The following GAB4 variants were observed in gnomAD, a reference collection of about 807,000 sequenced individuals.
GAB4 encodes the protein GRB2-associated-binding protein 4.
In GAB4, 26 loss-of-function variants were observed where a neutral mutation model predicts 51.3. The ratio of observed to expected loss-of-function variants is 0.51; its 90% CI spans 0.37 to 0.70. The LOEUF (loss-of-function observed/expected upper bound fraction) is 0.70, where lower values mean the gene tolerates loss of function less well. GAB4 is among the 30% of genes least tolerant of loss of function. GAB4 has a pLI of 0.00. For missense variants in GAB4, 759 were observed against 734.6 expected, an observed-to-expected ratio of 1.03 and a Z score of -0.38; for synonymous variants, 329 against 291.2, an observed-to-expected ratio of 1.13 and a Z score of -1.32.
intron 3 of GAB4, among the ~76,000 whole-genome samples, chr22:16,972,519 G>A (rs2060740689): frequency 6.6e-6 from 1 of 152,210 alleles, no homozygotes; most frequent in South Asian, 2.1e-4. Context: ...GCTTCGGAAG[G>A]ATGTCAAGGT....
intron 2 of GAB4, among the ~76,000 whole-genome samples, chr22:16,990,696 C>A (rs1474124905): frequency 6.6e-6 from 1 of 152,318 alleles, no homozygotes; most frequent in East Asian, 1.9e-4. Flanking sequence ...ACCTGGGGGT[C>A]TATCAGCACC....
intron 3 of GAB4, among the ~76,000 whole-genome samples, chr22:16,976,290 G>A (rs1406814822): frequency 6.6e-6 from 1 of 152,182 alleles, no homozygotes; most frequent in Non-Finnish European, 1.5e-5. Flanking sequence ...TACAGGAACT[G>A]CTAACTAGAA....
intron 1 of GAB4, among the ~76,000 whole-genome samples, chr22:17,003,484 T>C (rs532120513): frequency 1.9e-4 from 28 of 150,748 alleles, no homozygotes; most frequent in African/African-American, 6.3e-4. Context: ...AACAGTTTCT[T>C]AGACCCCAGT....
At chr22:16,978,689 A>G (rs2060801692) in intron 3 of GAB4, among the ~76,000 whole-genome samples, 1 of 152,238 alleles carries the variant, frequency 6.6e-6, no homozygotes, top group South Asian at 2.1e-4. Flanking sequence ...TTGTGAGGCC[A>G]GCATCATCCT....
intron 1 of GAB4, among the ~76,000 whole-genome samples, chr22:16,999,972 G>A (rs1008044586): frequency 1.3e-5 from 2 of 152,174 alleles, no homozygotes; most frequent in African/African-American, 4.8e-5. Flanking sequence ...TCTTAATCCT[G>A]AGTACTAGTT....
intron 3 of GAB4, among the ~76,000 whole-genome samples, chr22:16,981,586 A>G (rs2060827941): frequency 6.6e-6 from 1 of 152,222 alleles, no homozygotes; most frequent in Admixed American, 6.5e-5. Context: ...GAAGAAATAG[A>G]AAACCTGAAC....
chr22:16,970,261 G>A lies in GAB4; in HGVS notation c.687-68C>T, dbSNP rs116213637. The A allele has an allele frequency of 2.9e-3, 4,507 of 1,568,288 alleles. 124 individuals carry two copies. In the African/African-American group the frequency reaches 0.054, roughly 19 times the overall value. On this transcript the variant is annotated intron_variant, in intron 3 of 9. Coordinates refer to ENST00000400588, the MANE Select transcript of GAB4 (RefSeq NM_001037814.1). ...CCAGGACTGCCCCAGGGAGGCAGGCGGGGAAGTTCACAGCCCAATGTAGTG... is the reference window on the plus strand; with the variant it reads ...CCAGGACTGCCCCAGGGAGGCAGGCAGGGAAGTTCACAGCCCAATGTAGTG...
rs779393857 is a variant in GAB4 at position 17,008,150 on chromosome 22, G to A, written c.-36C>T. The A allele has an allele frequency of 2.8e-5, 41 of 1,473,288 alleles. No homozygotes were observed. In the East Asian group the frequency reaches 9.1e-4, roughly 33 times the overall value. 91.3% of individuals were successfully genotyped at this position (1,473,288 alleles called of 1,614,324 possible). ...GCTCACAGTGAAGGTGGGGGAGACA[G>A]GGCGAGAGGGCGTTGCTGGAGGTGG... On this transcript the variant is annotated 5_prime_UTR_variant, in exon 1 of 10. Transcript: ENST00000400588.
intron 1 of GAB4, 89 bp downstream of exon 1, chr22:17,007,852 C>A: frequency 8.6e-6 from 11 of 1,280,210 alleles, no homozygotes; most frequent in Non-Finnish European, 1.2e-5. Context: ...CAGCTCCTCC[C>A]GTGGACCCAG....
intron 1 of GAB4, among the ~76,000 whole-genome samples, chr22:17,003,038 T>G (rs1248304605): frequency 6.6e-6 from 1 of 152,112 alleles, no homozygotes; most frequent in African/African-American, 2.4e-5. Context: ...ACTCCTAGTC[T>G]CTGATAAAAC....
At chr22:16,969,802 C>T (rs1032904816) in intron 4 of GAB4, 141 bp downstream of exon 4, 5 of 1,053,052 alleles carry the variant, frequency 4.7e-6, no homozygotes, top group Non-Finnish European at 7.1e-6. Context: ...ACCACCATGG[C>T]ATAGAGGTTC....
rs777976157 is a variant in GAB4, at chr22:16,966,199, C to A, written c.1189G>T (p.Gly397Cys). The A allele has an allele frequency of 6.2e-7, 1 of 1,614,060 alleles. No homozygotes were observed. Reference protein sequence around the residue: ...GSCLVRFDLLGSPLTELSMHQ... With the variant: ...GSCLVRFDLLCSPLTELSMHQ... ...ATAGAAAGCTCTGTGAGTGGGGAGC[C>A]AAGCAGGTCAAAGCGAACAAGACAT... Residue 397 changes from glycine (G) to cysteine (C), a missense_variant, in exon 6 of 10, where the codon GGC becomes TGC. Around this residue, in one of 3 missense-constraint regions of GAB4, gnomAD observed 588 missense variants for 510.2 expected, o/e 1.15. Coordinates refer to ENST00000400588, the MANE Select transcript of GAB4 (RefSeq NM_001037814.1).
chr22:16,971,657 C>T (rs1391384027), intron 3 of GAB4, among the ~76,000 whole-genome samples: 2 of 152,220 alleles, frequency 1.3e-5, no homozygotes, highest in African/African-American at 4.8e-5. Context: ...CAGAATGAGG[C>T]ATGTCTCACA....
intron 1 of GAB4, among the ~76,000 whole-genome samples, chr22:16,993,956 C>T (rs957411423): frequency 6.6e-6 from 1 of 152,164 alleles, no homozygotes; most frequent in African/African-American, 2.4e-5. Context: ...GGCCAACCTT[C>T]TTGCATTTGT....
chr22:16,972,776 A>G (rs1257020780), intron 3 of GAB4, among the ~76,000 whole-genome samples: 1 of 151,912 alleles, frequency 6.6e-6, no homozygotes, highest in African/African-American at 2.4e-5. Context: ...GTCTCATAAC[A>G]CGTCTTCCTC....
chr22:17,004,291 C>G (rs1348031685), intron 1 of GAB4, among the ~76,000 whole-genome samples: 1 of 152,080 alleles, frequency 6.6e-6, no homozygotes, highest in Non-Finnish European at 1.5e-5. Context: ...CTATTCCAAA[C>G]AATGCAAAAA....
intron 3 of GAB4, among the ~76,000 whole-genome samples, chr22:16,978,983 C>G (rs868370604): frequency 1.6e-4 from 25 of 152,204 alleles, no homozygotes; most frequent in Middle Eastern, 3.4e-3. Flanking sequence ...ATTCAACACC[C>G]CTTCGTGCTA....
chr22:16,996,251 A>G (rs1285662752), intron 1 of GAB4, among the ~76,000 whole-genome samples: 1 of 151,926 alleles, frequency 6.6e-6, no homozygotes, highest in African/African-American at 2.4e-5. Context: ...TGAAGACAAG[A>G]TTAGAGAAAA....
chr22:16,991,857 G>T lies in GAB4; in HGVS notation c.478+16C>A, dbSNP rs745985179. ...TCTCAGCCCCTCCTGAGACAGGGCT[G>T]TGTGTGCTCCCATACCTGTGCTTTC... On this transcript the variant is annotated intron_variant, in intron 2 of 9. Coordinates refer to ENST00000400588, the MANE Select transcript of GAB4 (RefSeq NM_001037814.1). 6.3e-6 allele frequency: 10 copies of T among 1,597,416 alleles called. No homozygotes were observed. Among genetic ancestry groups the T allele is most frequent in the Non-Finnish European group, 7.7e-6 (9 of 1,169,408 alleles).
Sources: allele counts gnomAD v4.1 joint callset (sites outside exome capture counted in the v4.1 genomes callset), GRCh38; gene constraint gnomAD v4.1.1; regional missense constraint gnomAD v4.1.1; transcripts MANE v1.5; gene names NCBI Gene and HGNC (gene_info 2026-07-23, HGNC 2026-07-21).